ABTB3: variants seen among roughly 807,000 people sequenced by gnomAD.
ABTB3 encodes the protein ankyrin repeat- and BTB/POZ domain-containing protein 3.
the ABTB3 span, among the ~76,000 whole-genome samples, chr12:107,469,870 C>CTTTCTTTCTTTCT: frequency 1.2e-5 from 1 of 80,258 alleles, no homozygotes; most frequent in African/African-American, 5.9e-5. Context: ...TCTTTCTTTT[C>CTTTCTTTCTTTCT]TTTCTTTCTT....
chr12:107,435,747 G>A, the ABTB3 span, among the ~76,000 whole-genome samples: 1 of 152,152 alleles, frequency 6.6e-6, no homozygotes, highest in African/African-American at 2.4e-5. Flanking sequence ...CTCTATACAG[G>A]ATATTTTGTT....
chr12:107,470,338 G>T, the ABTB3 span, among the ~76,000 whole-genome samples: 17 of 152,188 alleles, frequency 1.1e-4, no homozygotes, highest in South Asian at 1.2e-3. Flanking sequence ...GTGCCTGGCT[G>T]ATCCTTGTGA....
the ABTB3 span, among the ~76,000 whole-genome samples, chr12:107,576,862 C>T: frequency 6.6e-6 from 1 of 152,148 alleles, no homozygotes; most frequent in Non-Finnish European, 1.5e-5. Flanking sequence ...CAACCATGAC[C>T]TCTTTGTGGG....
chr12:107,583,169 A>G, the ABTB3 span, among the ~76,000 whole-genome samples: 1 of 152,170 alleles, frequency 6.6e-6, no homozygotes, highest in African/African-American at 2.4e-5. Flanking sequence ...TGTGAGCACA[A>G]AGTAGGATAA....
the ABTB3 span, among the ~76,000 whole-genome samples, chr12:107,443,450 G>A: frequency 2.0e-5 from 3 of 151,954 alleles, no homozygotes; most frequent in African/African-American, 7.2e-5. Context: ...AAAGAGGGGA[G>A]GAGAGCAAGC....
chr12:107,502,783 A>G, the ABTB3 span, among the ~76,000 whole-genome samples: 5 of 152,172 alleles, frequency 3.3e-5, no homozygotes, highest in Admixed American at 6.5e-5. Flanking sequence ...TCTAGCTTGT[A>G]TGATCCTTAT....
At chr12:107,565,247 A>G in the ABTB3 span, among the ~76,000 whole-genome samples, 1 of 152,216 alleles carries the variant, frequency 6.6e-6, no homozygotes, top group East Asian at 1.9e-4. Flanking sequence ...TGGCTGCAGG[A>G]CTTGAAGGAA....
At chr12:107,585,821 C>A in the ABTB3 span, among the ~76,000 whole-genome samples, 3 of 152,176 alleles carry the variant, frequency 2.0e-5, no homozygotes, top group African/African-American at 4.8e-5. Flanking sequence ...CCTGCCCGAC[C>A]CACACAGGAC....
chr12:107,351,208 C>T, the ABTB3 span, among the ~76,000 whole-genome samples: 1 of 152,206 alleles, frequency 6.6e-6, no homozygotes, highest in South Asian at 2.1e-4. Context: ...ATCCTCATTC[C>T]TACCTCATGC....
chr12:107,424,852 T>TTC, the ABTB3 span, among the ~76,000 whole-genome samples: 5 of 152,150 alleles, frequency 3.3e-5, no homozygotes, highest in Admixed American at 3.3e-4. Context: ...ATCTGCCACT[T>TTC]TCACATGCAG....
the ABTB3 span, among the ~76,000 whole-genome samples, chr12:107,613,366 T>A: frequency 6.6e-6 from 1 of 152,080 alleles, no homozygotes; most frequent in Admixed American, 6.6e-5. Context: ...GTTGCCTGAG[T>A]TGACAGATCT....
At chr12:107,323,844 A>G in the ABTB3 span, among the ~76,000 whole-genome samples, 1 of 152,156 alleles carries the variant, frequency 6.6e-6, no homozygotes, top group South Asian at 2.1e-4. Context: ...ACTTTGTATA[A>G]CAGATACTCT....
the ABTB3 span, among the ~76,000 whole-genome samples, chr12:107,457,989 A>G: frequency 6.6e-6 from 1 of 152,236 alleles, no homozygotes. Context: ...AATAGGAATA[A>G]TAACATTGTG....
At chr12:107,637,786 TTGTGTGTGTGTGTGTGTGTG>T in the ABTB3 span, among the ~76,000 whole-genome samples, 17 of 144,740 alleles carry the variant, frequency 1.2e-4, no homozygotes, top group South Asian at 1.1e-3. Context: ...AGCACTGATT[TTGTGTGTGTGTGTGTGTGTG>T]TGTGTGTGTG....
chr12:107,378,146 G>A, the ABTB3 span, among the ~76,000 whole-genome samples: 4 of 152,182 alleles, frequency 2.6e-5, no homozygotes, highest in South Asian at 6.2e-4. Flanking sequence ...TTCAGCTGTG[G>A]TCCCTGTCCA....
the ABTB3 span, among the ~76,000 whole-genome samples, chr12:107,447,497 G>A: frequency 6.6e-6 from 1 of 152,086 alleles, no homozygotes; most frequent in African/African-American, 2.4e-5. Context: ...TTTTCATGTT[G>A]ATGGTTACCT....
At chr12:107,609,807 G>A in the ABTB3 span, among the ~76,000 whole-genome samples, 1 of 152,220 alleles carries the variant, frequency 6.6e-6, no homozygotes, top group Non-Finnish European at 1.5e-5. Context: ...CTTGGGCAGG[G>A]CCCTTATCTG....
chr12:107,617,647 A>G, the ABTB3 span: 6 of 586,482 alleles, frequency 1.0e-5, no homozygotes, highest in South Asian at 7.8e-5. Context: ...GCTTTATTTT[A>G]CCTGCTCCTG....
chr12:107,319,493 G>A, the ABTB3 span: 4 of 1,592,882 alleles, frequency 2.5e-6, no homozygotes, highest in Non-Finnish European at 1.7e-6. Flanking sequence ...TGCGCTGGCC[G>A]CACTGTCCCT....
Sources: allele counts gnomAD v4.1 joint callset (sites outside exome capture counted in the v4.1 genomes callset), GRCh38; gene constraint gnomAD v4.1.1; transcripts MANE v1.5; gene names NCBI Gene and HGNC (gene_info 2026-07-23, HGNC 2026-07-21).